ZNF609: variants seen among roughly 807,000 people sequenced by gnomAD.
ZNF609 encodes the protein zinc finger protein 609.
Under a neutral mutation model 109.5 loss-of-function variants are expected in ZNF609, and 11 were observed. That is an observed-to-expected ratio of 0.10 (90% CI 0.06 to 0.17). ZNF609 has a LOEUF of 0.17. ZNF609 is among the 10% of genes least tolerant of loss of function. ZNF609 has a pLI of 1.00. For synonymous variants in ZNF609, 646 were observed against 662.0 expected (o/e 0.98, Z 0.37); for missense variants, 1,559 against 1,772.4 (o/e 0.88, Z 2.16).
intron 3 of ZNF609, among the ~76,000 whole-genome samples, chr15:64,642,498 A>C (rs534669336): frequency 6.7e-6 from 1 of 149,846 alleles, no homozygotes; most frequent in African/African-American, 2.5e-5. Flanking sequence ...ATGACAGTTT[A>C]AAAAAAAAAG....
At chr15:64,532,533 G>A (rs1354702773) in intron 2 of ZNF609, among the ~76,000 whole-genome samples, 1 of 152,190 alleles carries the variant, frequency 6.6e-6, no homozygotes, top group Admixed American at 6.5e-5. Flanking sequence ...ACTGATTTAT[G>A]AAATGCTGGT....
At chr15:64,678,808 C>T (rs1393017296) in intron 6 of ZNF609, among the ~76,000 whole-genome samples, 3 of 152,216 alleles carry the variant, frequency 2.0e-5, no homozygotes, top group Non-Finnish European at 4.4e-5. Flanking sequence ...AAACCATATA[C>T]TCCACGTTTT....
chr15:64,506,587 G>T lies in ZNF609; in HGVS notation c.747+6421G>T, dbSNP rs550829727. Among the ~76,000 whole-genome samples the T allele has an allele frequency of 6.3e-4, 95 of 151,964 alleles. No homozygotes were observed. In the South Asian group the frequency reaches 9.8e-3, roughly 16 times the overall value. On this transcript the variant is annotated intron_variant, in intron 2 of 9. Coordinates refer to ENST00000326648, the MANE Select transcript of ZNF609 (RefSeq NM_015042.2). ...AATACAAAATTAGTCGGGCGTGGTG[G>T]TGCATGCCTGTAGTCCCAGCTACTC...
intron 2 of ZNF609, among the ~76,000 whole-genome samples, chr15:64,615,327 G>A (rs1895782592): frequency 6.6e-6 from 1 of 150,920 alleles, no homozygotes; most frequent in Non-Finnish European, 1.5e-5. Context: ...ATTTTTTGTA[G>A]AGACAAGATC....
Position 64,675,193 on chromosome 15 carries a change from C to G in ZNF609, c.2339C>G (p.Pro780Arg). Residue 780 changes from proline to arginine, a missense_variant, in exon 5 of 10, where the codon CCC becomes CGC. Around this residue, in one of 4 missense-constraint regions of ZNF609, gnomAD observed 1,204 missense variants for 1,314.1 expected, o/e 0.92. Transcript: ENST00000326648. ...GGGCTCCTAAATGGCTCATCAGACC[C>G]CCACCAAAGCCGACTGGCTAGCATC... Reference protein sequence around the residue: ...MEGLLNGSSDPHQSRLASIKA... With the variant: ...MEGLLNGSSDRHQSRLASIKA... 6.2e-7 allele frequency: 1 copy of G among 1,614,102 alleles called. No homozygotes were observed. Among genetic ancestry groups the G allele is most frequent in the South Asian group, 1.1e-5 (1 of 91,086 alleles).
intron 2 of ZNF609, chr15:64,501,710 C>G (rs902775050): frequency 6.6e-6 from 1 of 152,210 alleles, no homozygotes; most frequent in African/African-American, 2.4e-5. Flanking sequence ...TATTCATAAT[C>G]ATTATTCTTC....
At chr15:64,523,673 G>A (rs2140366209) in intron 2 of ZNF609, among the ~76,000 whole-genome samples, 1 of 152,008 alleles carries the variant, frequency 6.6e-6, no homozygotes, top group South Asian at 2.1e-4. Context: ...TGAGGTGGGA[G>A]GATCGCTTGA....
chr15:64,491,640 A>C (rs1893414821), intron 1 of ZNF609, among the ~76,000 whole-genome samples: 1 of 151,158 alleles, frequency 6.6e-6, no homozygotes, highest in Non-Finnish European at 1.5e-5. Context: ...CTAGGTCAGG[A>C]GTTTGAGGCC....
chr15:64,517,902 C>G (rs1311188215), intron 2 of ZNF609, among the ~76,000 whole-genome samples: 1 of 152,026 alleles, frequency 6.6e-6, no homozygotes, highest in East Asian at 1.9e-4. Flanking sequence ...AACTCAGCCT[C>G]CCAAGTATCT....
At chr15:64,574,823 T>C (rs936078530) in intron 2 of ZNF609, among the ~76,000 whole-genome samples, 1 of 152,192 alleles carries the variant, frequency 6.6e-6, no homozygotes, top group Non-Finnish European at 1.5e-5. Context: ...CTGTCAGAAC[T>C]CTCTTTCTAA....
At chr15:64,602,693 G>C (rs1273443049) in intron 2 of ZNF609, among the ~76,000 whole-genome samples, 1 of 146,830 alleles carries the variant, frequency 6.8e-6, no homozygotes, top group Admixed American at 6.9e-5. Flanking sequence ...ATTAACTACT[G>C]CCCTGACTTT....
intron 8 of ZNF609, 54 bp downstream of exon 8, chr15:64,680,916 C>G: frequency 6.3e-7 from 1 of 1,587,670 alleles, no homozygotes; most frequent in South Asian, 1.1e-5. Context: ...TTTTGTTTAT[C>G]TTCATCCCAG....
chr15:64,676,403 A>G, intron 5 of ZNF609, 147 bp downstream of exon 5: 2 of 658,206 alleles, frequency 3.0e-6, no homozygotes, highest in South Asian at 3.7e-5. Context: ...ACCTTTGTAA[A>G]CTATTTTAAT....
chr15:64,616,351 A>G (rs1895797304), intron 2 of ZNF609, among the ~76,000 whole-genome samples: 1 of 151,898 alleles, frequency 6.6e-6, no homozygotes, highest in African/African-American at 2.4e-5. Context: ...TTTGTCCATC[A>G]GTGCCTCTCA....
intron 2 of ZNF609, among the ~76,000 whole-genome samples, chr15:64,530,993 T>C (rs74783543): frequency 0.01 from 1,547 of 152,300 alleles, 13 homozygotes; most frequent in Non-Finnish European, 0.015. Context: ...AAAATCACTT[T>C]TTCCTATTTG....
chr15:64,644,731 A>G (rs1034127694), intron 3 of ZNF609, among the ~76,000 whole-genome samples: 2 of 152,204 alleles, frequency 1.3e-5, no homozygotes, highest in African/African-American at 4.8e-5. Context: ...AATGCCATCC[A>G]TAGATGGTGG....
At chr15:64,627,997 G>T (rs774784966) in intron 3 of ZNF609, among the ~76,000 whole-genome samples, 46 of 151,568 alleles carry the variant, frequency 3.0e-4, no homozygotes, top group Non-Finnish European at 6.3e-4. Flanking sequence ...TGCAGGCCAG[G>T]TGTGGTGGCT....
intron 2 of ZNF609, among the ~76,000 whole-genome samples, chr15:64,585,375 C>T (rs570797462): frequency 4.6e-5 from 7 of 152,092 alleles, no homozygotes; most frequent in Admixed American, 3.3e-4. Flanking sequence ...ACTTGTTTAG[C>T]CCCGAGGAAG....
chr15:64,566,362 C>T (rs1027268472), intron 2 of ZNF609, among the ~76,000 whole-genome samples: 3 of 152,168 alleles, frequency 2.0e-5, no homozygotes, highest in Admixed American at 2.0e-4. Context: ...GCATGAGCCT[C>T]CTGAGAAGCC....
Sources: gnomAD v4.1 joint callset for allele counts (sites outside exome capture counted in the v4.1 genomes callset) on GRCh38, gnomAD v4.1.1 for gene constraint, gnomAD v4.1.1 regional missense constraint, MANE v1.5 for transcripts, NCBI Gene and HGNC (gene_info 2026-07-23, HGNC 2026-07-21) for gene names.